The following DNAAF9 variants were observed in gnomAD, a reference collection of about 807,000 sequenced individuals.
DNAAF9 encodes the protein shulin.
A neutral mutation model predicts 167.0 loss-of-function variants in DNAAF9; 90 were observed. That is an observed-to-expected ratio of 0.54 (90% CI 0.45 to 0.64). The LOEUF is 0.64. Among genes scored for constraint, DNAAF9 ranks in the 30% least tolerant of loss-of-function variants. DNAAF9 has a pLI of 0.00. For missense variants in DNAAF9, 1,315 were observed against 1,442.2 expected (o/e 0.91, Z 1.43); for synonymous variants, 491 against 508.8 (o/e 0.96, Z 0.47).
rs2068186202 is a variant in DNAAF9 at position 3,251,014 on chromosome 20, A to C, written c.*1558T>G. The C allele has an allele frequency of 6.6e-6, 1 of 152,220 alleles. No homozygotes were observed. The highest frequency in any genetic ancestry group is 2.4e-5 in the African/African-American group (1 of 41,460). 9.4% of individuals were successfully genotyped at this position (152,220 alleles called of 1,614,324 possible). A position where few individuals can be genotyped will look rare whatever the true frequency, so the allele number is the denominator to read the frequency against. ...GGGGGCTCCCAGACTTAGGTTCCAC[A>C]GTGGGGCCCTTGTCATCAGTGGCTT... On this transcript the variant is annotated 3_prime_UTR_variant, in exon 37 of 37. Coordinates refer to ENST00000252032, the MANE Select transcript of DNAAF9 (RefSeq NM_001009984.3).
intron 29 of DNAAF9, among the ~76,000 whole-genome samples, chr20:3,273,517 C>T (rs1032816073): frequency 1.3e-5 from 2 of 152,054 alleles, no homozygotes; most frequent in African/African-American, 4.8e-5. Flanking sequence ...GGCCTGGGAG[C>T]CAGCATATCA....
chr20:3,383,956 G>A (rs1005960512), intron 1 of DNAAF9, among the ~76,000 whole-genome samples: 1 of 151,930 alleles, frequency 6.6e-6, no homozygotes, highest in Non-Finnish European at 1.5e-5. Flanking sequence ...ACACCACCAT[G>A]CCTGGCTAAT....
At chr20:3,377,048 G>A (rs1211153714) in intron 3 of DNAAF9, among the ~76,000 whole-genome samples, 1 of 152,052 alleles carries the variant, frequency 6.6e-6, no homozygotes, top group Non-Finnish European at 1.5e-5. Flanking sequence ...CAGACTGGGC[G>A]ACAGAGTGAG....
chr20:3,318,050 G>T (rs6037546), intron 17 of DNAAF9, among the ~76,000 whole-genome samples: 37,727 of 150,058 alleles, frequency 0.25, 5,310 homozygotes, highest in African/African-American at 0.37. Flanking sequence ...ATTAATTTTG[G>T]AAGAGTTCTT....
In DNAAF9 at chr20:3,249,889, G is replaced by C. The variant is rs917829224; in HGVS notation, c.*2683C>G. ...CAGGTCAGATAGCCCCCAGGGCTCA[G>C]AGGGGCCGGCTCAACTCCTTGCCAA... On this transcript the variant is annotated 3_prime_UTR_variant, in exon 37 of 37. Coordinates refer to ENST00000252032, the MANE Select transcript of DNAAF9 (RefSeq NM_001009984.3). 6.6e-6 allele frequency: 1 copy of C among 151,918 alleles called. No individual in the cohort carries two copies. 9.4% of individuals were successfully genotyped at this position (151,918 alleles called of 1,614,324 possible).
chr20:3,341,289 T>G (rs897589461), intron 9 of DNAAF9, among the ~76,000 whole-genome samples: 1 of 152,154 alleles, frequency 6.6e-6, no homozygotes, highest in African/African-American at 2.4e-5. Context: ...ATCCAACAGA[T>G]AGTCTTCAGG....
intron 7 of DNAAF9, among the ~76,000 whole-genome samples, chr20:3,354,139 G>T (rs2083254363): frequency 6.6e-6 from 1 of 152,198 alleles, no homozygotes; most frequent in African/African-American, 2.4e-5. Flanking sequence ...AAAGTGACTT[G>T]CCTGAGGATT....
rs143473648 is a variant in DNAAF9 at position 3,282,913 on chromosome 20, C to T, written c.2487-1147G>A. On this transcript the variant is annotated intron_variant, in intron 27 of 36. Transcript: ENST00000252032. ...AGCAACCCTCGCTTCTTGGCATTCC[C>T]TACCTCCTCCTCCAAGTTTCTTCAA... Among the ~76,000 whole-genome samples the T allele has an allele frequency of 6.6e-5, 10 of 152,342 alleles. No homozygotes were observed. The East Asian group carries it at 1.9e-3, about 29-fold the overall frequency.
At chr20:3,304,344 G>A (rs2069249241) in intron 21 of DNAAF9, 96 bp downstream of exon 21, 1 of 732,038 alleles carries the variant, frequency 1.4e-6, no homozygotes, top group Non-Finnish European at 2.5e-6. Flanking sequence ...ATACTGCCCT[G>A]TGGTAGTGGA....
At position 3,375,374 on chromosome 20, in the gene DNAAF9, T is replaced by C. The variant is rs1393685545; in HGVS notation, c.409-248A>G. 3.3e-5 allele frequency among the ~76,000 whole-genome samples: 5 copies of C among 152,284 alleles called. No homozygotes were observed. In the East Asian group the frequency reaches 9.7e-4, roughly 29 times the overall value. Reference sequence around the variant, plus strand: ...AACCTAAATGCAAGAGATAACACTTTTCCCCCAAAAAATTCCGCCAAATAC... The same window carrying C: ...AACCTAAATGCAAGAGATAACACTTCTCCCCCAAAAAATTCCGCCAAATAC... On this transcript the variant is annotated intron_variant, in intron 4 of 36. Transcript: ENST00000252032.
Position 3,311,307 on chromosome 20 carries a change from A to AT in DNAAF9, c.1678+3725dup, listed in dbSNP as rs11476401. Among the ~76,000 whole-genome samples the AT allele has an allele frequency of 1.9e-3, 282 of 148,564 alleles. 1 individual carries two copies. Among genetic ancestry groups the AT allele is most frequent in the South Asian group, 9.8e-3 (46 of 4,682 alleles). ...AGGAATATGCCACCATGCCTGGCTA[A>AT]TTTTTTTTTTTTGGGTAGAGATGGG... On this transcript the variant is annotated intron_variant, in intron 20 of 36. Transcript: ENST00000252032.
At chr20:3,263,542 T>C (rs1391519909) in intron 31 of DNAAF9, among the ~76,000 whole-genome samples, 3 of 152,226 alleles carry the variant, frequency 2.0e-5, no homozygotes, top group South Asian at 4.1e-4. Context: ...AGTTCTTTCA[T>C]CTACTAAGCT....
intron 30 of DNAAF9, 70 bp downstream of exon 30, chr20:3,270,356 CT>C: frequency 2.9e-6 from 4 of 1,398,262 alleles, no homozygotes; most frequent in Non-Finnish European, 4.0e-6. Flanking sequence ...AGTAGAAAGA[CT>C]CTGTGGGCCA....
intron 1 of DNAAF9, among the ~76,000 whole-genome samples, chr20:3,405,557 A>G (rs908326794): frequency 1.3e-5 from 2 of 152,246 alleles, no homozygotes; most frequent in African/African-American, 4.8e-5. Flanking sequence ...GGTTCCTTGC[A>G]CTATTCCTTG....
At chr20:3,350,148 G>GACACACACACACACACACACACACAC (rs1324124710) in intron 7 of DNAAF9, among the ~76,000 whole-genome samples, 5 of 68,930 alleles carry the variant, frequency 7.3e-5, no homozygotes, top group Admixed American at 1.5e-4. Flanking sequence ...CAGACACACA[G>GACACACACACACACACACACACACAC]ACACACAGAC....
Position 3,250,928 on chromosome 20 carries a change from T to C in DNAAF9, c.*1644A>G, listed in dbSNP as rs1316225410. The C allele has an allele frequency of 3.3e-5, 5 of 152,208 alleles. No homozygotes were observed. The highest frequency in any genetic ancestry group is 7.4e-5 in the Non-Finnish European group (5 of 68,024). 9.4% of individuals were successfully genotyped at this position (152,208 alleles called of 1,614,324 possible). A position where few individuals can be genotyped will look rare whatever the true frequency, so the allele number is the denominator to read the frequency against. ...AATCAATTGCACTTAAGATCTATGTTACTGATTCTGAAGCGAGGCAAGCCC... is the reference window on the plus strand; with the variant it reads ...AATCAATTGCACTTAAGATCTATGTCACTGATTCTGAAGCGAGGCAAGCCC... On this transcript the variant is annotated 3_prime_UTR_variant, in exon 37 of 37. Coordinates refer to ENST00000252032, the MANE Select transcript of DNAAF9 (RefSeq NM_001009984.3).
At chr20:3,308,595 C>CG (rs1291487515) in intron 20 of DNAAF9, among the ~76,000 whole-genome samples, 1 of 151,890 alleles carries the variant, frequency 6.6e-6, no homozygotes, top group African/African-American at 2.4e-5. Context: ...CTGCCCGCCT[C>CG]GGCCTTCCAA....
At chr20:3,286,092 T>C (rs1484219526) in intron 27 of DNAAF9, among the ~76,000 whole-genome samples, 2 of 152,100 alleles carry the variant, frequency 1.3e-5, no homozygotes, top group South Asian at 2.1e-4. Context: ...ATAATGGGCA[T>C]GAAGGCCCAG....
rs1235654210 is a variant in DNAAF9 at position 3,250,007 on chromosome 20, T to C, written c.*2565A>G. 1 of 152,160 alleles carries C rather than the reference T, an allele frequency of 6.6e-6. No individual in the cohort carries two copies. Among genetic ancestry groups the C allele is most frequent in the Non-Finnish European group, 1.5e-5 (1 of 68,020 alleles). The allele number at this position is 152,160 out of a possible 1,614,324, so 9.4% of individuals were successfully genotyped here. ...AAAAATCCCATGTAAAAACATAAAA[T>C]AACCCGTAACTTCAGCGACTTCAAC... On this transcript the variant is annotated 3_prime_UTR_variant, in exon 37 of 37. Coordinates refer to ENST00000252032, the MANE Select transcript of DNAAF9 (RefSeq NM_001009984.3).
Sources: allele counts gnomAD v4.1 joint callset (sites outside exome capture counted in the v4.1 genomes callset), GRCh38; gene constraint gnomAD v4.1.1; transcripts MANE v1.5; gene names NCBI Gene and HGNC (gene_info 2026-07-23, HGNC 2026-07-21).